FAM120C: variants seen among roughly 807,000 people sequenced by gnomAD.
FAM120C encodes the protein constitutive coactivator of PPAR-gamma-like protein 2.
A neutral mutation model predicts 71.2 loss-of-function variants in FAM120C; 14 were observed. The observed-to-expected ratio is 0.20, with a 90% CI of 0.13 to 0.31. The LOEUF (loss-of-function observed/expected upper bound fraction) is 0.31, where lower values mean the gene tolerates loss of function less well. Among genes scored for constraint, FAM120C ranks in the 10% least tolerant of loss-of-function variants. The pLI, the probability that FAM120C is intolerant of heterozygous loss-of-function variation, is 1.00. For missense variants in FAM120C, 500 were observed against 879.0 expected (o/e 0.57, Z 5.45); for synonymous variants, 354 against 353.2 (o/e 1.00, Z -0.03).
chrX:54,079,657 C>A (rs1383036925), intron 15 of FAM120C, among the ~76,000 whole-genome samples: 1 of 109,960 alleles, frequency 9.1e-6, no homozygotes, highest in East Asian at 2.9e-4. Context: ...ATTAGCCGGG[C>A]GTGGTGGTGC....
intron 2 of FAM120C, 60 bp downstream of exon 2, chrX:54,159,310 T>A: frequency 8.4e-7 from 1 of 1,187,243 alleles, no homozygotes; most frequent in Non-Finnish European, 1.1e-6. Flanking sequence ...CTAGTCCTCA[T>A]CTCTTAACAC....
intron 10 of FAM120C, among the ~76,000 whole-genome samples, chrX:54,102,473 T>C (rs1326000355): frequency 4.2e-5 from 2 of 47,268 alleles, no homozygotes; most frequent in African/African-American, 1.4e-4. Context: ...TTGCTGGTCA[T>C]ATGGTAAAGG....
At position 54,091,185 on chromosome X, in the gene FAM120C, G is replaced by T. The variant is rs113427820; in HGVS notation, c.2427+127C>A. On this transcript the variant is annotated intron_variant, in intron 11 of 15. Transcript: ENST00000375180. ...CTTTATTCATAGACATAAATATTTG[G>T]TTAAAGTAAATCAAACAGTTACCTG... The T allele has an allele frequency of 3.7e-4, 165 of 445,778 alleles. No individual in the cohort carries two copies. The African/African-American group carries it at 3.8e-3, about 10-fold the overall frequency. 36.7% of individuals were successfully genotyped at this position (445,778 alleles called of 1,213,427 possible).
rs1309531010 is a variant in FAM120C at position 54,069,820 on chromosome X, G to A, written c.*3213C>T. 1.8e-5 allele frequency: 2 copies of A among 111,841 alleles called. No homozygotes were observed. The highest frequency in any genetic ancestry group is 1.9e-4 in the Admixed American group (2 of 10,486). 9.2% of individuals were successfully genotyped at this position (111,841 alleles called of 1,213,427 possible). ...AGTTTGTCAGGCCTGGTCCAGACCA[G>A]ACTGGACTGGTCACTGACTAAGTAA... On this transcript the variant is annotated 3_prime_UTR_variant, in exon 16 of 16. Transcript: ENST00000375180.
intron 4 of FAM120C, among the ~76,000 whole-genome samples, chrX:54,139,808 G>T (rs368197334): frequency 5.4e-5 from 6 of 110,512 alleles, no homozygotes; most frequent in East Asian, 5.7e-4. Flanking sequence ...CTGGACTACA[G>T]GTGTGTACCA....
intron 1 of FAM120C, among the ~76,000 whole-genome samples, chrX:54,173,155 C>G (rs1476214300): frequency 8.9e-6 from 1 of 112,774 alleles, no homozygotes; most frequent in African/African-American, 3.2e-5. Context: ...TTTGTGGCAT[C>G]ACTTATTTTA....
chrX:54,085,987 G>T, intron 12 of FAM120C, 71 bp from the exon 13 acceptor site: 1 of 925,240 alleles, frequency 1.1e-6, no homozygotes, highest in Non-Finnish European at 1.6e-6. Flanking sequence ...GGCCCAGGAT[G>T]GAGCACTCTA....
chrX:54,115,521 A>G (rs1557126493), intron 10 of FAM120C, among the ~76,000 whole-genome samples: 1 of 112,117 alleles, frequency 8.9e-6, no homozygotes. Context: ...TATAATCTAG[A>G]GCAATTTGGC....
At chrX:54,114,983 T>G (rs954026811) in intron 10 of FAM120C, among the ~76,000 whole-genome samples, 2 of 110,669 alleles carry the variant, frequency 1.8e-5, no homozygotes, top group African/African-American at 6.6e-5. Flanking sequence ...GGTCTTGAAC[T>G]CCTGGCCTCA....
At position 54,099,968 on chromosome X, in the gene FAM120C, G is replaced by A. The variant is rs995908193; in HGVS notation, c.2313-8542C>T. On this transcript the variant is annotated intron_variant, in intron 10 of 15. Transcript: ENST00000375180. The stretch of plus-strand genomic sequence containing the variant: ...AGTCCATTTTCTGTTGCTTATAACA[G>A]AATGCCTGACAGTGGGTTATATATA... 2.7e-5 allele frequency among the ~76,000 whole-genome samples: 3 copies of A among 111,873 alleles called. No homozygotes were observed. In the East Asian group the frequency reaches 8.3e-4, roughly 31 times the overall value.
rs782174010 is a variant in FAM120C, at chrX:54,132,052, TTTATTA to T, written c.2062+634_2062+639del. Among the ~76,000 whole-genome samples, 35 of 106,274 alleles carry T rather than the reference TTTATTA, an allele frequency of 3.3e-4. 1 individual carries two copies. Among genetic ancestry groups the T allele is most frequent in the African/African-American group, 1.1e-3 (31 of 28,926 alleles). 92.3% of individuals were successfully genotyped at this position (106,274 alleles called of 115,157 possible). ...CAGGCGTGAGCCACTGCGCCCGGCC[TTTATTA>T]TTATTATTATTTTTTGAGACAGGGT... On this transcript the variant is annotated intron_variant, in intron 9 of 15. Transcript: ENST00000375180.
chrX:54,147,064 C>A (rs1478490793), intron 4 of FAM120C, among the ~76,000 whole-genome samples: 1 of 108,683 alleles, frequency 9.2e-6, no homozygotes, highest in Non-Finnish European at 1.9e-5. Flanking sequence ...TCCTGTAATC[C>A]TAGCACTTTG....
intron 4 of FAM120C, among the ~76,000 whole-genome samples, chrX:54,145,171 T>C (rs1266344588): frequency 2.7e-5 from 3 of 112,356 alleles, no homozygotes; most frequent in Non-Finnish European, 5.6e-5. Context: ...TAATTCAAGA[T>C]GGATTATACA....
At chrX:54,081,051 G>A (rs915837856) in intron 14 of FAM120C, among the ~76,000 whole-genome samples, 1 of 106,817 alleles carries the variant, frequency 9.4e-6, no homozygotes, top group South Asian at 4.2e-4. Context: ...CACATCTGTG[G>A]TCCCAGCTAC....
intron 10 of FAM120C, among the ~76,000 whole-genome samples, chrX:54,106,118 A>ATCC (rs1289082840): frequency 7.2e-5 from 8 of 111,733 alleles, no homozygotes; most frequent in Non-Finnish European, 1.3e-4. Flanking sequence ...CCTAAGCAAA[A>ATCC]AGAACAAAGC....
At chrX:54,161,238 T>C (rs988900969) in intron 1 of FAM120C, among the ~76,000 whole-genome samples, 1 of 111,952 alleles carries the variant, frequency 8.9e-6, no homozygotes, top group Non-Finnish European at 1.9e-5. Context: ...GTACCAGAGA[T>C]AGTTACTAAG....
chrX:54,107,549 T>A (rs1167793973), intron 10 of FAM120C, among the ~76,000 whole-genome samples: 1 of 107,680 alleles, frequency 9.3e-6, no homozygotes, highest in Non-Finnish European at 1.9e-5. Flanking sequence ...AGACAGAGTC[T>A]TACTCTGTCT....
At chrX:54,146,309 A>C (rs1603361595) in intron 4 of FAM120C, among the ~76,000 whole-genome samples, 1 of 111,747 alleles carries the variant, frequency 8.9e-6, no homozygotes, top group East Asian at 2.8e-4. Context: ...AGTATAATAA[A>C]AAAATAAATA....
At chrX:54,181,124 G>C (rs1270126675) in intron 1 of FAM120C, among the ~76,000 whole-genome samples, 1 of 109,308 alleles carries the variant, frequency 9.1e-6, no homozygotes, top group Non-Finnish European at 1.9e-5. Context: ...TTGATGCTGA[G>C]AACGAGTCTA....
Sources: gnomAD v4.1 joint callset for allele counts (sites outside exome capture counted in the v4.1 genomes callset) on GRCh38, gnomAD v4.1.1 for gene constraint, MANE v1.5 for transcripts, NCBI Gene and HGNC (gene_info 2026-07-23, HGNC 2026-07-21) for gene names.